The following PDE8A variants were observed in gnomAD, a reference collection of about 807,000 sequenced individuals.
PDE8A encodes phosphodiesterase 8A, also known as high affinity cAMP-specific and IBMX-insensitive 3',5'-cyclic phosphodiesterase 8A.
In PDE8A, 59 loss-of-function variants were observed where a neutral mutation model predicts 105.0. That is an observed-to-expected ratio of 0.56 (90% CI 0.46 to 0.70). The LOEUF is 0.70. PDE8A is among the 30% of genes least tolerant of loss of function. The probability of loss-of-function intolerance (pLI) is 0.00; values close to 1 mark genes in which losing one functional copy is unlikely to be tolerated. For synonymous variants in PDE8A, 355 were observed against 371.9 expected, an observed-to-expected ratio of 0.95 and a Z score of 0.52; for missense variants, 1,014 against 1,045.9, an observed-to-expected ratio of 0.97 and a Z score of 0.42.
intron 1 of PDE8A, among the ~76,000 whole-genome samples, chr15:85,050,261 G>T (rs1232346611): frequency 6.6e-6 from 1 of 152,090 alleles, no homozygotes; most frequent in African/African-American, 2.4e-5. Flanking sequence ...CAGTTCTGTG[G>T]ATTGCATTTT....
chr15:85,136,270 G>A (rs1175530386), intron 20 of PDE8A, among the ~76,000 whole-genome samples: 2 of 152,230 alleles, frequency 1.3e-5, no homozygotes, highest in East Asian at 1.9e-4. Flanking sequence ...CTTACCTGAA[G>A]AGCTTCTGCA....
intron 8 of PDE8A, among the ~76,000 whole-genome samples, chr15:85,093,026 A>G (rs1391959490): frequency 6.6e-6 from 1 of 150,642 alleles, no homozygotes; most frequent in Non-Finnish European, 1.5e-5. Context: ...CTCCCACCTC[A>G]GCCTCCTGAG....
At chr15:85,048,338 C>A (rs2141412232) in intron 1 of PDE8A, among the ~76,000 whole-genome samples, 1 of 152,022 alleles carries the variant, frequency 6.6e-6, no homozygotes, top group African/African-American at 2.4e-5. Flanking sequence ...TAAATATTTT[C>A]TTTCTTTCCA....
chr15:85,126,511 A>G, intron 20 of PDE8A, 137 bp downstream of exon 20: 1 of 528,528 alleles, frequency 1.9e-6, no homozygotes, highest in Non-Finnish European at 3.0e-6. Context: ...AACAAATGGT[A>G]ACTGGTAACA....
chr15:85,100,168 T>A lies in PDE8A; in HGVS notation c.1006T>A (p.Ser336Thr), dbSNP rs772674000. 5 of 1,613,842 alleles carry A rather than the reference T, an allele frequency of 3.1e-6. No homozygotes were observed. In the African/African-American group the frequency reaches 6.7e-5, roughly 22 times the overall value. ...CNGNNKAEKI[S>T]ECVQSDTHTD... is the part of the protein sequence containing the mutation. ...AATTCACTTTTAGGCTGAGAAAATA[T>A]CCGAATGTGTTCAGTCTGACACTCA... Residue 336 changes from serine to threonine, a missense_variant, in exon 11 of 22, where the codon TCC (serine) becomes ACC (threonine). Physicochemically the swap from Ser to Thr is moderately conservative, Grantham distance 58. Transcript: ENST00000394553.
chr15:85,115,369 C>T, intron 14 of PDE8A, 70 bp from the exon 15 acceptor site: 1 of 997,666 alleles, frequency 1.0e-6, no homozygotes, highest in Non-Finnish European at 1.5e-6. Context: ...GTGGGAGGAC[C>T]ACCTGGAGTT....
chr15:84,995,513 G>T (rs888548720), intron 1 of PDE8A, among the ~76,000 whole-genome samples: 7 of 152,140 alleles, frequency 4.6e-5, no homozygotes, highest in African/African-American at 1.4e-4. Context: ...TAGAGACAGG[G>T]TCTCATTATA....
chr15:85,055,041 C>G (rs913246238), intron 1 of PDE8A, among the ~76,000 whole-genome samples: 4 of 152,088 alleles, frequency 2.6e-5, no homozygotes, highest in Non-Finnish European at 5.9e-5. Flanking sequence ...CAAAGAACCT[C>G]TTTATTTCTG....
At chr15:84,985,447 C>G (rs2079787274) in intron 1 of PDE8A, among the ~76,000 whole-genome samples, 1 of 152,176 alleles carries the variant, frequency 6.6e-6, no homozygotes, top group South Asian at 2.1e-4. Flanking sequence ...TGAGCCTTAA[C>G]TGTAACATTT....
chr15:85,110,844 A>G (rs144064981), intron 12 of PDE8A, among the ~76,000 whole-genome samples: 56 of 152,276 alleles, frequency 3.7e-4, no homozygotes, highest in African/African-American at 1.3e-3. Context: ...TTTATTCTCC[A>G]ATAATAGCTC....
At chr15:85,024,527 AGTCTTTCATCTTGCT>A (rs2080481592) in intron 1 of PDE8A, among the ~76,000 whole-genome samples, 1 of 149,054 alleles carries the variant, frequency 6.7e-6, no homozygotes, top group South Asian at 2.1e-4. Context: ...TGGGCCAGTC[AGTCTTTCATCTTGCT>A]TAGGCTTTTT....
intron 1 of PDE8A, among the ~76,000 whole-genome samples, chr15:85,050,132 A>C (rs1305647166): frequency 6.6e-6 from 1 of 152,086 alleles, no homozygotes; most frequent in East Asian, 1.9e-4. Context: ...TTGGAGAAGA[A>C]TGTGTATGTT....
At position 85,105,662 on chromosome 15, in the gene PDE8A, A is replaced by T. The variant is rs750279483; in HGVS notation, c.1037-3391A>T. 2.6e-5 allele frequency among the ~76,000 whole-genome samples: 4 copies of T among 152,104 alleles called. No homozygotes were observed. In the East Asian group the frequency reaches 7.7e-4, roughly 29 times the overall value. On this transcript the variant is annotated intron_variant, in intron 11 of 21. Coordinates refer to ENST00000394553, the MANE Select transcript of PDE8A (RefSeq NM_002605.3). ...AGGGTGGGCAGAGTTTATGGACCCT[A>T]TTTTACAGAACAGGAAGCCAAGAGC...
chr15:85,041,337 C>T (rs2080804688), intron 1 of PDE8A, among the ~76,000 whole-genome samples: 2 of 152,158 alleles, frequency 1.3e-5, no homozygotes, highest in Admixed American at 6.5e-5. Context: ...TCAGACATTG[C>T]TTATTAGCAA....
intron 1 of PDE8A, among the ~76,000 whole-genome samples, chr15:85,021,908 A>G (rs1048668543): frequency 8.5e-5 from 13 of 152,208 alleles, no homozygotes; most frequent in African/African-American, 2.9e-4. Context: ...CAGAAGGCAC[A>G]TTCCATCTGT....
chr15:85,117,901 C>G, intron 17 of PDE8A, 62 bp downstream of exon 17: 1 of 1,281,732 alleles, frequency 7.8e-7, no homozygotes, highest in Non-Finnish European at 1.1e-6. Context: ...TCTAGTGCTT[C>G]TGCCTCCACT....
intron 3 of PDE8A, among the ~76,000 whole-genome samples, chr15:85,072,169 T>C (rs1481939195): frequency 6.6e-6 from 1 of 152,244 alleles, no homozygotes; most frequent in Non-Finnish European, 1.5e-5. Flanking sequence ...ATAAATCCCA[T>C]TCTTTTTCAT....
At chr15:85,046,292 G>C (rs141808839) in intron 1 of PDE8A, among the ~76,000 whole-genome samples, 1 of 152,088 alleles carries the variant, frequency 6.6e-6, no homozygotes, top group African/African-American at 2.4e-5. Context: ...CAGGTGATCT[G>C]CCCGCCTCGG....
intron 1 of PDE8A, among the ~76,000 whole-genome samples, chr15:85,056,834 C>T (rs56204314): frequency 0.088 from 13,449 of 152,272 alleles, 1,658 homozygotes; most frequent in African/African-American, 0.28. Context: ...AGTCATTCTC[C>T]GTCCAGCTTT....
Sources: allele counts gnomAD v4.1 joint callset (sites outside exome capture counted in the v4.1 genomes callset), GRCh38; gene constraint gnomAD v4.1.1; transcripts MANE v1.5; gene names NCBI Gene and HGNC (gene_info 2026-07-23, HGNC 2026-07-21).